Variants in PLCE1 observed in about 807,000 individuals in gnomAD.
The protein encoded by PLCE1 is 1-phosphatidylinositol 4,5-bisphosphate phosphodiesterase epsilon-1.
A neutral mutation model predicts 242.8 loss-of-function variants in PLCE1; 119 were observed. That is an observed-to-expected ratio of 0.49 (90% CI 0.42 to 0.57). The LOEUF is 0.57. PLCE1 is among the 20% of genes least tolerant of loss of function. PLCE1 has a pLI of 0.00. For synonymous variants in PLCE1, 945 were observed against 1,017.4 expected (o/e 0.93, Z 1.35); for missense variants, 2,441 against 2,788.8 (o/e 0.88, Z 2.81).
intron 2 of PLCE1, among the ~76,000 whole-genome samples, chr10:94,060,518 C>T (rs1270892357): frequency 6.6e-6 from 1 of 151,948 alleles, no homozygotes; most frequent in Non-Finnish European, 1.5e-5. Context: ...ACTTTACTTC[C>T]CTGTGCCTTG....
intron 20 of PLCE1, among the ~76,000 whole-genome samples, chr10:94,282,630 C>T (rs1459251410): frequency 6.6e-6 from 1 of 152,076 alleles, no homozygotes; most frequent in Non-Finnish European, 1.5e-5. Context: ...TTGCATTGTT[C>T]CACAGTCAAA....
At chr10:94,021,620 C>T (rs1268314337) in intron 1 of PLCE1, among the ~76,000 whole-genome samples, 1 of 152,034 alleles carries the variant, frequency 6.6e-6, no homozygotes, top group Non-Finnish European at 1.5e-5. Flanking sequence ...TATCCTTATG[C>T]CAGTATCACA....
At chr10:94,294,909 CTTTTTTTT>C (rs766555881) in intron 23 of PLCE1, among the ~76,000 whole-genome samples, 1 of 101,494 alleles carries the variant, frequency 9.9e-6, no homozygotes, top group South Asian at 3.3e-4. Context: ...CATGATAGAA[CTTTTTTTT>C]TTTTTTTTTT....
intron 25 of PLCE1, 48 bp downstream of exon 25, chr10:94,304,693 C>T (rs1288930671): frequency 6.3e-7 from 1 of 1,582,278 alleles, no homozygotes; most frequent in South Asian, 1.1e-5. Context: ...TTTAAGCCTT[C>T]CTGAAAACGA....
intron 2 of PLCE1, among the ~76,000 whole-genome samples, chr10:94,126,667 T>C (rs2046445808): frequency 6.6e-6 from 1 of 152,278 alleles, no homozygotes; most frequent in East Asian, 1.9e-4. Flanking sequence ...GTAGTCTGTC[T>C]AGTTTTCAGA....
chr10:94,010,331 C>G (rs1283314242), intron 1 of PLCE1, among the ~76,000 whole-genome samples: 1 of 152,216 alleles, frequency 6.6e-6, no homozygotes, highest in African/African-American at 2.4e-5. Flanking sequence ...ACCATTCTTT[C>G]CTCCTTAGCC....
chr10:94,230,472 G>A (rs1287061967), intron 5 of PLCE1, among the ~76,000 whole-genome samples: 4 of 151,756 alleles, frequency 2.6e-5, no homozygotes, highest in Non-Finnish European at 5.9e-5. Context: ...TTACAGGCAC[G>A]CCACCATGCC....
At position 94,316,570 on chromosome 10, in the gene PLCE1, C is replaced by T. The variant is rs1375365840; in HGVS notation, c.6156C>T (p.Ile2052=). Residue 2052 remains isoleucine (I), a synonymous_variant, in exon 29 of 33, where the codon ATC becomes ATT. Transcript: ENST00000371380. ...AGATTCTGACAAATGAACAAGACAT[C>T]AAACCTGTTACCACAGACTATTTTT... ...LQQILTNEQD[I]KPVTTDYFLM... 2 of 1,607,894 alleles carry T rather than the reference C, an allele frequency of 1.2e-6. No individual in the cohort carries two copies. The highest frequency in any genetic ancestry group is 1.7e-5 in the Admixed American group (1 of 60,006).
chr10:94,215,850 G>A (rs2049505435), intron 4 of PLCE1, among the ~76,000 whole-genome samples: 1 of 152,102 alleles, frequency 6.6e-6, no homozygotes, highest in African/African-American at 2.4e-5. Flanking sequence ...CTGAACCCAG[G>A]AGTTCAAGGC....
chr10:94,138,449 G>T, intron 3 of PLCE1: 1 of 425,834 alleles, frequency 2.3e-6, no homozygotes, highest in Non-Finnish European at 4.6e-6. Flanking sequence ...ACTCTGAGAT[G>T]GGATTGATAA....
intron 30 of PLCE1, among the ~76,000 whole-genome samples, chr10:94,323,560 C>A (rs1451760427): frequency 4.6e-5 from 7 of 152,214 alleles, no homozygotes. Flanking sequence ...ACATAGACCA[C>A]CACATAGACA....
At chr10:94,254,389 A>G in intron 10 of PLCE1, 82 bp downstream of exon 10, 1 of 939,878 alleles carries the variant, frequency 1.1e-6, no homozygotes, top group Non-Finnish European at 1.8e-6. Context: ...TTAAATTGTG[A>G]TTTAAGCATT....
intron 1 of PLCE1, among the ~76,000 whole-genome samples, chr10:94,018,162 C>T (rs777873338): frequency 3.3e-5 from 5 of 152,128 alleles, no homozygotes; most frequent in Non-Finnish European, 5.9e-5. Flanking sequence ...GCTTATAATA[C>T]GAGCTTGAGT....
intron 30 of PLCE1, among the ~76,000 whole-genome samples, chr10:94,323,879 G>A (rs1185682711): frequency 6.6e-6 from 1 of 152,136 alleles, no homozygotes; most frequent in Non-Finnish European, 1.5e-5. Flanking sequence ...TAAATGAAAA[G>A]AGAGATCAGT....
chr10:94,163,689 T>C (rs997473004), intron 3 of PLCE1, among the ~76,000 whole-genome samples: 3 of 152,174 alleles, frequency 2.0e-5, no homozygotes, highest in African/African-American at 7.2e-5. Context: ...GTGAATTTGA[T>C]CCTGTCATTA....
chr10:94,086,986 C>T (rs1564674359), intron 2 of PLCE1, among the ~76,000 whole-genome samples: 1 of 151,918 alleles, frequency 6.6e-6, no homozygotes, highest in Admixed American at 6.6e-5. Context: ...AATATTGGAG[C>T]GAATTCTTGT....
intron 23 of PLCE1, among the ~76,000 whole-genome samples, chr10:94,296,172 C>T (rs988770653): frequency 1.3e-5 from 2 of 151,998 alleles, no homozygotes; most frequent in East Asian, 1.9e-4. Context: ...ACCATCCTGG[C>T]TAACACGGTG....
chr10:94,224,676 T>A (rs911270927), intron 4 of PLCE1, among the ~76,000 whole-genome samples: 2 of 152,228 alleles, frequency 1.3e-5, no homozygotes, highest in African/African-American at 4.8e-5. Context: ...TTGCTGATGG[T>A]TTCCCATTTT....
chr10:94,259,967 T>C (rs756870644), intron 13 of PLCE1, among the ~76,000 whole-genome samples: 17 of 152,152 alleles, frequency 1.1e-4, no homozygotes, highest in Non-Finnish European at 1.6e-4. Flanking sequence ...TTCACTATCA[T>C]GAGAACATTT....
Sources: gnomAD v4.1 joint callset for allele counts (sites outside exome capture counted in the v4.1 genomes callset) on GRCh38, gnomAD v4.1.1 for gene constraint, MANE v1.5 for transcripts, NCBI Gene and HGNC (gene_info 2026-07-23, HGNC 2026-07-21) for gene names.